Variants in NELFB observed in about 807,000 individuals in gnomAD.
NELFB encodes the protein negative elongation factor B.
A neutral mutation model predicts 60.2 loss-of-function variants in NELFB; 34 were observed. The observed-to-expected ratio is 0.56, with a 90% CI of 0.43 to 0.75. The LOEUF (loss-of-function observed/expected upper bound fraction) is 0.75, where lower values mean the gene tolerates loss of function less well. Among genes scored for constraint, NELFB ranks in the 30% least tolerant of loss-of-function variants. The pLI is 0.00. For synonymous variants in NELFB, 459 were observed against 382.1 expected (o/e 1.20, Z -2.35); for missense variants, 770 against 831.6 (o/e 0.93, Z 0.91).
intron 4 of NELFB, among the ~76,000 whole-genome samples, chr9:137,261,921 G>C (rs1278553039): frequency 6.6e-6 from 1 of 152,100 alleles, no homozygotes; most frequent in Non-Finnish European, 1.5e-5. Context: ...TGATAGGTAA[G>C]GTCACGTGGT....
rs1162710070 is a variant in NELFB, at chr9:137,269,478, C to G, written c.1489+2132C>G. Among the ~76,000 whole-genome samples, 4 of 152,248 alleles carry G rather than the reference C, an allele frequency of 2.6e-5. No homozygotes were observed. The highest frequency in any genetic ancestry group is 7.2e-5 in the African/African-American group (3 of 41,466). On this transcript the variant is annotated intron_variant, in intron 10 of 12. Coordinates refer to ENST00000343053, the MANE Select transcript of NELFB (RefSeq NM_015456.5). This position sits in a 1 kb window ranked among gnomAD's most constrained non-coding sequence, Gnocchi z 5.3. The stretch of plus-strand genomic sequence containing the variant: ...ACTTTAATTTGCCTTGGCCTGCCCA[C>G]TGCAGTACAGTCACGTGTCACATAA...
chr9:137,256,533 C>G (rs553196110), intron 3 of NELFB, 105 bp downstream of exon 3: 3 of 1,014,952 alleles, frequency 3.0e-6, no homozygotes, highest in Non-Finnish European at 4.5e-6. Flanking sequence ...GCTTCCTGTG[C>G]TGCCTGCCCA....
rs1196404898 is a variant in NELFB at position 137,256,443 on chromosome 9, C to G, written c.510+15C>G. On this transcript the variant is annotated intron_variant, in intron 3 of 12. Transcript: ENST00000343053. The stretch of plus-strand genomic sequence containing the variant: ...ACCTGCCCAAGGTAGGGCCCTAACC[C>G]TAACCCTGATGGCGTGGACCGTCCG... 2 of 1,610,322 alleles carry G rather than the reference C, an allele frequency of 1.2e-6. No homozygotes were observed. Among genetic ancestry groups the G allele is most frequent in the Admixed American group, 1.7e-5 (1 of 59,996 alleles).
chr9:137,259,931 A>C (rs11531964), intron 4 of NELFB, among the ~76,000 whole-genome samples: 1 of 150,504 alleles, frequency 6.6e-6, no homozygotes, highest in African/African-American at 2.4e-5. Flanking sequence ...GGGGTTTCAC[A>C]GTGTTAGCCA....
chr9:137,256,247 A>G (rs1837548638), intron 2 of NELFB, 82 bp from the exon 3 acceptor site: 1 of 1,435,446 alleles, frequency 7.0e-7, no homozygotes, highest in African/African-American at 1.4e-5. Context: ...TTGTCCTGGT[A>G]GCTGTTATCT....
intron 4 of NELFB, among the ~76,000 whole-genome samples, chr9:137,262,596 A>G (rs775775905): frequency 1.3e-5 from 2 of 152,270 alleles, no homozygotes; most frequent in Non-Finnish European, 1.5e-5. Flanking sequence ...ATCTATATCT[A>G]ATATAACTAT....
In NELFB at chr9:137,256,441, C is replaced by T. The variant is rs767403385; in HGVS notation, c.510+13C>T. ...GCACCTGCCCAAGGTAGGGCCCTAA[C>T]CCTAACCCTGATGGCGTGGACCGTC... On this transcript the variant is annotated intron_variant, in intron 3 of 12. Transcript: ENST00000343053. 6 of 1,610,830 alleles carry T rather than the reference C, an allele frequency of 3.7e-6. No individual in the cohort carries two copies. Among genetic ancestry groups the T allele is most frequent in the African/African-American group, 1.3e-5 (1 of 74,866 alleles).
chr9:137,262,422 A>T (rs1298225153), intron 4 of NELFB, among the ~76,000 whole-genome samples: 1 of 151,888 alleles, frequency 6.6e-6, no homozygotes, highest in African/African-American at 2.4e-5. Context: ...GAAGGCTCGC[A>T]CTCTTGTCTT....
chr9:137,265,934 A>T lies in NELFB; in HGVS notation c.1098A>T (p.Thr366=). 1 of 1,613,212 alleles carries T rather than the reference A, an allele frequency of 6.2e-7. No individual in the cohort carries two copies. The highest frequency in any genetic ancestry group is 1.1e-5 in the South Asian group (1 of 91,088). Residue 366 remains threonine, a synonymous_variant, in exon 7 of 13, where the codon ACA becomes ACT. Coordinates refer to ENST00000343053, the MANE Select transcript of NELFB (RefSeq NM_015456.5). ...CCATCAACACGCTGGCACTGAGCAC[A>T]GTCAGGCACCTGCAGGAGCTGGTCG... is the stretch of plus-strand genomic sequence containing the variant.
At chr9:137,262,149 A>G (rs28791592) in intron 4 of NELFB, among the ~76,000 whole-genome samples, 14,353 of 152,140 alleles carry the variant, frequency 0.094, 887 homozygotes, top group East Asian at 0.29. Context: ...ACAGCATCAC[A>G]GGGAGACGGT....
chr9:137,266,916 G>A lies in NELFB; in HGVS notation c.1240-28G>A, dbSNP rs372124390. ...GGGGTGGGGCAGGGCCCGGGCCCGCGCCCGCTCATGGCCTCCCCTCCTCGT... is the reference window on the plus strand; with the variant it reads ...GGGGTGGGGCAGGGCCCGGGCCCGCACCCGCTCATGGCCTCCCCTCCTCGT... On this transcript the variant is annotated intron_variant, in intron 8 of 12. Coordinates refer to ENST00000343053, the MANE Select transcript of NELFB (RefSeq NM_015456.5). 268 of 1,610,440 alleles carry A rather than the reference G, an allele frequency of 1.7e-4. 7 individuals carry two copies. In the South Asian group the frequency reaches 2.7e-3, roughly 16 times the overall value.
At chr9:137,271,373 C>T (rs921869743) in intron 10 of NELFB, among the ~76,000 whole-genome samples, 1 of 152,266 alleles carries the variant, frequency 6.6e-6, no homozygotes, top group African/African-American at 2.4e-5. Context: ...TCAACCTGTC[C>T]GCACACGTCA....
intron 11 of NELFB, 136 bp from the exon 12 acceptor site, chr9:137,272,371 G>A (rs1412921810): frequency 1.4e-6 from 2 of 1,461,478 alleles, no homozygotes; most frequent in Non-Finnish European, 1.9e-6. Flanking sequence ...CCTGCAGGGT[G>A]CCTGGGCACA....
At position 137,267,321 on chromosome 9, in the gene NELFB, G is replaced by T. The variant is rs756994375; in HGVS notation, c.1464G>T (p.Ala488=). ...TCACCAAGCAGAGGAACAAGAACGCGCTCCTCCGCCTGCTGCCCGGGCTGG... is the reference window on the plus strand; with the variant it reads ...TCACCAAGCAGAGGAACAAGAACGCTCTCCTCCGCCTGCTGCCCGGGCTGG... Residue 488 remains alanine, a synonymous_variant, in exon 10 of 13, where the codon GCG becomes GCT. Coordinates refer to ENST00000343053, the MANE Select transcript of NELFB (RefSeq NM_015456.5). 2.0e-5 allele frequency: 32 copies of T among 1,612,666 alleles called. No individual in the cohort carries two copies. The highest frequency in any genetic ancestry group is 1.2e-4 in the Admixed American group (7 of 59,906).
chr9:137,265,054 T>TTTTTTC lies in NELFB; in HGVS notation c.1040+697_1040+698insTTTTTC, dbSNP rs1554791518. The stretch of plus-strand genomic sequence containing the variant: ...TCCTTTTTTTTTTTTTTTTTTTTTT[T>TTTTTTC]CTGAGACAGGGTCTCTGTCACCCAG... On this transcript the variant is annotated intron_variant, in intron 6 of 12. Coordinates refer to ENST00000343053, the MANE Select transcript of NELFB (RefSeq NM_015456.5). 6.1e-5 allele frequency among the ~76,000 whole-genome samples: 7 copies of TTTTTTC among 114,036 alleles called. 2 individuals carry two copies. The highest frequency in any genetic ancestry group is 7.9e-5 in the Non-Finnish European group (4 of 50,850). 74.8% of individuals were successfully genotyped at this position (114,036 alleles called of 152,430 possible). A position where few individuals can be genotyped will look rare whatever the true frequency, so the allele number is the denominator to read the frequency against.
intron 4 of NELFB, among the ~76,000 whole-genome samples, chr9:137,260,208 C>T (rs922483695): frequency 6.6e-6 from 1 of 150,820 alleles, no homozygotes; most frequent in Non-Finnish European, 1.5e-5. Context: ...CACCACCACG[C>T]CCAGCTATGT....
Position 137,261,730 on chromosome 9 carries a change from G to T in NELFB, c.742-1307G>T, listed in dbSNP as rs141310342. 7.2e-5 allele frequency among the ~76,000 whole-genome samples: 11 copies of T among 152,038 alleles called. No homozygotes were observed. The East Asian group carries it at 1.7e-3, about 24-fold the overall frequency. ...AGGGTTGATGGGTTTTTCTCCCCGTGTGCGGAGATGAGAGATTGTAGAAGT... is the reference window on the plus strand; with the variant it reads ...AGGGTTGATGGGTTTTTCTCCCCGTTTGCGGAGATGAGAGATTGTAGAAGT... On this transcript the variant is annotated intron_variant, in intron 4 of 12. Coordinates refer to ENST00000343053, the MANE Select transcript of NELFB (RefSeq NM_015456.5).
Position 137,265,994 on chromosome 9 carries a change from G to C in NELFB, c.1143+15G>C. ...CACTGCCCAGGGTGAGTGTGGGCTT[G>C]GCCAGCAGCTGTCGGGGCCATGCGG... On this transcript the variant is annotated intron_variant, in intron 7 of 12. Coordinates refer to ENST00000343053, the MANE Select transcript of NELFB (RefSeq NM_015456.5). 6.3e-7 allele frequency: 1 copy of C among 1,590,860 alleles called. No homozygotes were observed. Among genetic ancestry groups the C allele is most frequent in the Non-Finnish European group, 8.6e-7 (1 of 1,160,482 alleles).
chr9:137,257,009 G>A lies in NELFB; in HGVS notation c.696G>A (p.Leu232=), dbSNP rs1837564128. 5 of 1,613,574 alleles carry A rather than the reference G, an allele frequency of 3.1e-6. No homozygotes were observed. Among genetic ancestry groups the A allele is most frequent in the Non-Finnish European group, 3.4e-6 (4 of 1,179,840 alleles). Residue 232 remains leucine, a synonymous_variant, in exon 4 of 13, where the codon CTG becomes CTA. Transcript: ENST00000343053. ...TCTTCAGTACAGAGCTCTCTGTCCT[G>A]CACAACTTTTTCAGTCCTTCCCCCA...
Sources: allele counts gnomAD v4.1 joint callset (sites outside exome capture counted in the v4.1 genomes callset), GRCh38; gene constraint gnomAD v4.1.1; non-coding constraint Gnocchi (gnomAD v3.1); transcripts MANE v1.5; gene names NCBI Gene and HGNC (gene_info 2026-07-23, HGNC 2026-07-21).